The following SLC5A10 variants were observed in gnomAD, a reference collection of about 807,000 sequenced individuals.
SLC5A10 encodes the protein sodium/mannose cotransporter SLC5A10.
In SLC5A10, 55 loss-of-function variants were observed where a neutral mutation model predicts 68.9. The observed-to-expected ratio is 0.80, with a 90% CI of 0.64 to 1.00. SLC5A10 has a LOEUF of 1.00. SLC5A10 is among the 50% of genes least tolerant of loss of function. The probability of loss-of-function intolerance (pLI) is 0.00; values close to 1 mark genes in which losing one functional copy is unlikely to be tolerated. For missense variants in SLC5A10, 732 were observed against 819.3 expected (o/e 0.89, Z 1.30); for synonymous variants, 344 against 344.8 (o/e 1.00, Z 0.02).
intron 7 of SLC5A10, 96 bp downstream of exon 7, chr17:18,969,518 G>A (rs907359190): frequency 8.3e-7 from 1 of 1,204,456 alleles, no homozygotes; most frequent in Non-Finnish European, 1.2e-6. Context: ...CATGCCGTTG[G>A]GGTTCTGGGT....
At chr17:19,013,696 C>G (rs2044070935) in intron 10 of SLC5A10, among the ~76,000 whole-genome samples, 179 bp downstream of exon 10, 1 of 150,356 alleles carries the variant, frequency 6.7e-6, no homozygotes, top group South Asian at 2.1e-4. Flanking sequence ...CTACCCACCC[C>G]TCAGCGTTGT....
chr17:18,957,679 T>G (rs2042530747), intron 1 of SLC5A10, among the ~76,000 whole-genome samples: 3 of 152,158 alleles, frequency 2.0e-5, no homozygotes, highest in Admixed American at 2.0e-4. Flanking sequence ...TTGGCCAGGA[T>G]GGACTCGTTC....
At chr17:18,979,823 G>T in intron 9 of SLC5A10, 1 of 875,246 alleles carries the variant, frequency 1.1e-6, no homozygotes, top group South Asian at 1.6e-5. Flanking sequence ...AAAGGGGCTG[G>T]TGTGTCTGGG....
chr17:18,990,777 G>C (rs1424675464), intron 9 of SLC5A10, among the ~76,000 whole-genome samples: 3 of 127,962 alleles, frequency 2.3e-5, no homozygotes, highest in Non-Finnish European at 4.9e-5. Flanking sequence ...GCTTATGCTG[G>C]GGATGGGGAG....
In SLC5A10 at chr17:19,015,094, C is replaced by T. The variant is rs777380590; in HGVS notation, c.1136C>T (p.Ser379Leu). The T allele has an allele frequency of 1.6e-5, 26 of 1,613,560 alleles. No homozygotes were observed. The South Asian group carries it at 2.2e-4, about 14-fold the overall frequency. The change falls in exon 11 of 15, where the codon TCG becomes TTG. Residue 379 changes from serine (S) to leucine (L), a missense_variant. By Grantham distance (145) the Ser-to-Leu change is moderately radical (BLOSUM62 -2). Transcript: ENST00000395645. ...GCAGTGATGCTGGCGGCGCTCATGT[C>T]GTCGCTGACCTCCATCTTCAACAGC... is the stretch of plus-strand genomic sequence containing the variant. The part of the protein sequence containing the change: ...MIAVMLAALM[S>L]SLTSIFNSSS...
intron 5 of SLC5A10, among the ~76,000 whole-genome samples, chr17:18,967,250 A>G (rs1050167520): frequency 2.0e-5 from 3 of 152,104 alleles, no homozygotes; most frequent in African/African-American, 7.2e-5. Context: ...TATAGGGGAG[A>G]CAGCAGTGAA....
At chr17:18,951,019 G>A (rs941680636), upstream of SLC5A10, among the ~76,000 whole-genome samples, 3 of 152,216 alleles carry the variant, frequency 2.0e-5, no homozygotes, top group Admixed American at 6.5e-5. Context: ...GCTCCTGGCC[G>A]AGGGGATTAA....
chr17:18,976,531 A>G (rs1038517624), intron 8 of SLC5A10: 27 of 338,340 alleles, frequency 8.0e-5, no homozygotes, highest in African/African-American at 5.7e-4. Context: ...TCCCCATACC[A>G]CCCCACCCAG....
Position 19,013,436 on chromosome 17 carries a change from G to A in SLC5A10, c.1009G>A (p.Glu337Lys), listed in dbSNP as rs370489182. Residue 337 changes from glutamate (E) to lysine (K), a missense_variant, in exon 10 of 15, where the codon GAG (glutamate) becomes AAG (lysine). By Grantham distance (56) the Glu-to-Lys change is moderately conservative. Transcript: ENST00000395645. ...TGATGTGGGCTGCGTGGTGCCGTCC[G>A]AGTGCCTGCGGGCCTGCGGGGCCGA... is the stretch of plus-strand genomic sequence containing the variant. ...PDDVGCVVPS[E>K]CLRACGAEVG... 3.1e-6 allele frequency: 5 copies of A among 1,605,668 alleles called. No individual in the cohort carries two copies. Among genetic ancestry groups the A allele is most frequent in the Non-Finnish European group, 4.3e-6 (5 of 1,175,930 alleles).
chr17:19,019,142 G>T (rs115460236), intron 11 of SLC5A10: 1 of 417,324 alleles, frequency 2.4e-6, no homozygotes, highest in Non-Finnish European at 4.3e-6. Flanking sequence ...GCTCCATGGC[G>T]GAGCTCCAAG....
upstream of SLC5A10, chr17:18,950,720 G>T (rs1597803177): frequency 1.0e-6 from 1 of 985,106 alleles, no homozygotes; most frequent in East Asian, 1.1e-4. Flanking sequence ...TGTTGTTGTT[G>T]TTGTTTGTTT....
intron 9 of SLC5A10, chr17:18,978,090 C>G: frequency 6.6e-7 from 1 of 1,516,524 alleles, no homozygotes; most frequent in East Asian, 2.3e-5. Flanking sequence ...AGCTCCAGGA[C>G]CCAGCCAATA....
upstream of SLC5A10, chr17:18,952,160 C>T (rs376211488): frequency 6.2e-5 from 99 of 1,585,050 alleles, no homozygotes; most frequent in Non-Finnish European, 8.1e-5. Flanking sequence ...CCTGGTTTGC[C>T]CCTCAGTCCC....
rs985298031 is a variant in SLC5A10 at position 19,021,788 on chromosome 17, C to T, written c.*1357C>T. 1.8e-6 allele frequency: 1 copy of T among 567,228 alleles called. No individual in the cohort carries two copies. The highest frequency in any genetic ancestry group is 1.9e-5 in the African/African-American group (1 of 51,570). 35.1% of individuals were successfully genotyped at this position (567,228 alleles called of 1,614,324 possible). A position where few individuals can be genotyped will look rare whatever the true frequency, so the allele number is the denominator to read the frequency against. Reference sequence around the variant, plus strand: ...TTGCTGGGTACCCTTGCTGGGGGACCTGGGCCATCCCAGTTTGTGCAGAGC... The same window carrying T: ...TTGCTGGGTACCCTTGCTGGGGGACTTGGGCCATCCCAGTTTGTGCAGAGC... On this transcript the variant is annotated 3_prime_UTR_variant, in exon 15 of 15. Transcript: ENST00000395645. This position sits in a 1 kb window ranked among gnomAD's most constrained non-coding sequence, Gnocchi z 4.1.
chr17:18,960,626 C>G lies in SLC5A10; in HGVS notation c.427C>G (p.Leu143Val), dbSNP rs1342701116. 2.5e-6 allele frequency: 4 copies of G among 1,614,008 alleles called. No individual in the cohort carries two copies. Among genetic ancestry groups the G allele is most frequent in the Non-Finnish European group, 8.5e-7 (1 of 1,179,982 alleles). The stretch of plus-strand genomic sequence containing the variant: ...CATGTACCTGTCTGTCCTGTCCCTG[C>G]TACTGTCTGTCTTCACCAAGATATC... ...IRMYLSVLSLLLSVFTKISLD... is the reference protein window; with the variant it reads ...IRMYLSVLSLVLSVFTKISLD... Residue 143 changes from leucine (L) to valine (V), a missense_variant, in exon 5 of 15, where the codon CTA (leucine) becomes GTA (valine). Leu to Val is a conservative substitution (Grantham distance 32). Coordinates refer to ENST00000395645, the MANE Select transcript of SLC5A10 (RefSeq NM_001042450.4).
At chr17:18,977,115 G>T in intron 9 of SLC5A10, 126 bp downstream of exon 9, 1 of 1,329,030 alleles carries the variant, frequency 7.5e-7, no homozygotes, top group Non-Finnish European at 1.0e-6. Flanking sequence ...CCTGGGGAGT[G>T]GGGAGAGTGG....
Position 18,971,620 on chromosome 17 carries a change from G to A in SLC5A10, c.846+402G>A. 1 of 1,613,420 alleles carries A rather than the reference G, an allele frequency of 6.2e-7. No homozygotes were observed. Among genetic ancestry groups the A allele is most frequent in the South Asian group, 1.1e-5 (1 of 91,068 alleles). Reference sequence around the variant, plus strand: ...CCTGCCAGTGGTGGGGGCCAGCCATGGCTGGGCCAGCGTTTCTGGTAGAGC... The same window carrying A: ...CCTGCCAGTGGTGGGGGCCAGCCATAGCTGGGCCAGCGTTTCTGGTAGAGC... On this transcript the variant is annotated intron_variant, in intron 8 of 14. Transcript: ENST00000395645. The surrounding 1 kb of genome is among the most constrained non-coding windows in gnomAD (Gnocchi z 5.5).
At chr17:18,991,722 G>A (rs539999441) in intron 9 of SLC5A10, among the ~76,000 whole-genome samples, 9 of 152,300 alleles carry the variant, frequency 5.9e-5, no homozygotes, top group Admixed American at 2.6e-4. Context: ...CAAAGCCGAC[G>A]GGCAGCTCCC....
At chr17:18,953,268 G>A (rs1319638621) in intron 1 of SLC5A10, among the ~76,000 whole-genome samples, 1 of 151,828 alleles carries the variant, frequency 6.6e-6, no homozygotes, top group Admixed American at 6.6e-5. Context: ...GAGTAGCTGG[G>A]ATTACAGGCG....
Sources: allele counts gnomAD v4.1 joint callset (sites outside exome capture counted in the v4.1 genomes callset), GRCh38; gene constraint gnomAD v4.1.1; non-coding constraint Gnocchi (gnomAD v3.1); transcripts MANE v1.5; gene names NCBI Gene and HGNC (gene_info 2026-07-23, HGNC 2026-07-21).